Variants in PP2D1 observed in about 807,000 individuals in gnomAD.
PP2D1 encodes the protein protein phosphatase 2C-like domain-containing protein 1.
Under a neutral mutation model 30.2 loss-of-function variants are expected in PP2D1, and 25 were observed. The ratio of observed to expected loss-of-function variants is 0.83; its 90% CI spans 0.60 to 1.16. The LOEUF (loss-of-function observed/expected upper bound fraction) is 1.16, where lower values mean the gene tolerates loss of function less well. Among genes scored for constraint, PP2D1 ranks in the 50% most tolerant of loss-of-function variants. PP2D1 has a pLI of 0.00. For synonymous variants in PP2D1, 260 were observed against 258.9 expected (o/e 1.00, Z -0.04); for missense variants, 760 against 742.4 (o/e 1.02, Z -0.28).
At chr3:20,007,763 C>T (rs1697337397) in intron 1 of PP2D1, 3 of 119,592 alleles carry the variant, frequency 2.5e-5, no homozygotes, top group Admixed American at 1.7e-4. Flanking sequence ...AGCAAAAATC[C>T]GTCTCAAAAA....
intron 1 of PP2D1, among the ~76,000 whole-genome samples, chr3:20,011,730 C>T (rs946776821): frequency 3.9e-5 from 6 of 152,034 alleles, no homozygotes; most frequent in African/African-American, 1.2e-4. Flanking sequence ...ACCCGGGAAG[C>T]GGAGTTTGCA....
chr3:19,998,381 G>A (rs1157418320), intron 2 of PP2D1, among the ~76,000 whole-genome samples: 1 of 151,336 alleles, frequency 6.6e-6, no homozygotes, highest in Non-Finnish European at 1.5e-5. Flanking sequence ...ATAAGTTCTA[G>A]TGTTTGATAG....
intron 1 of PP2D1, among the ~76,000 whole-genome samples, chr3:20,002,338 G>T (rs1463160967): frequency 6.6e-6 from 1 of 152,166 alleles, no homozygotes; most frequent in Admixed American, 6.5e-5. Context: ...CTAAGCAAAT[G>T]CTCAGATAAA....
At position 20,001,944 on chromosome 3, in the gene PP2D1, T is replaced by A; in HGVS notation, c.176A>T (p.Glu59Val). Residue 59 changes from glutamate (E) to valine (V), a missense_variant, in exon 2 of 3, where the codon GAG becomes GTG. Around this residue, in one of 3 missense-constraint regions of PP2D1, gnomAD observed 374 missense variants for 388.8 expected, o/e 0.96. Transcript: ENST00000389050. ...GGAACAGGGTAATGTGGTCCCTTGC[T>A]CATAGACCTGCTCCTCTTCATGGCG... is the stretch of plus-strand genomic sequence containing the variant. ...TKRHEEEQVY[E>V]QGTTLPCSIC... The A allele has an allele frequency of 6.5e-7, 1 of 1,536,376 alleles. No individual in the cohort carries two copies. The highest frequency in any genetic ancestry group is 8.7e-7 in the Non-Finnish European group (1 of 1,146,952).
intron 2 of PP2D1, among the ~76,000 whole-genome samples, chr3:19,995,178 T>A (rs1697166238): frequency 1.3e-5 from 2 of 152,142 alleles, no homozygotes; most frequent in South Asian, 4.1e-4. Flanking sequence ...AACACAAATT[T>A]ACTCCTAACA....
rs1697249936 is a variant in PP2D1, at chr3:20,001,365, T to C, written c.755A>G (p.Tyr252Cys). 1.3e-6 allele frequency: 2 copies of C among 1,536,410 alleles called. No individual in the cohort carries two copies. Among genetic ancestry groups the C allele is most frequent in the African/African-American group, 2.7e-5 (2 of 73,166 alleles). ...TDEQQIINSF[Y>C]TVFREEYAAI... ...TGCGTATTCTTCTCTAAACACAGTG[T>C]AAAAGGAATTGATTATTTGTTGCTC... is the stretch of plus-strand genomic sequence containing the variant. Residue 252 changes from tyrosine (Y) to cysteine (C), a missense_variant, in exon 2 of 3, where the codon TAC (tyrosine) becomes TGC (cysteine). Around this residue, in one of 3 missense-constraint regions of PP2D1, gnomAD observed 374 missense variants for 388.8 expected, o/e 0.96. Transcript: ENST00000389050.
chr3:19,990,147 A>G (rs1697097924), intron 2 of PP2D1, among the ~76,000 whole-genome samples: 1 of 152,092 alleles, frequency 6.6e-6, no homozygotes, highest in African/African-American at 2.4e-5. Context: ...CTACCTGTTA[A>G]AAAGGGAGAT....
chr3:19,999,034 C>G lies in PP2D1; in HGVS notation c.1090+1996G>C, dbSNP rs140401519. ...GTATAGGCCTGGAAATTAAATCCAA[C>G]TGTTTGACCTGGAGATTAGAACCAA... On this transcript the variant is annotated intron_variant, in intron 2 of 2. Transcript: ENST00000389050. Among the ~76,000 whole-genome samples, 3 of 151,056 alleles carry G rather than the reference C, an allele frequency of 2.0e-5. No individual in the cohort carries two copies. The East Asian group carries it at 5.8e-4, about 29-fold the overall frequency.
intron 2 of PP2D1, among the ~76,000 whole-genome samples, chr3:19,991,012 A>G (rs62241322): frequency 0.19 from 28,963 of 152,186 alleles, 3,050 homozygotes; most frequent in Non-Finnish European, 0.24. Context: ...AGACCACTAC[A>G]CAATTTTAAT....
chr3:19,985,421 C>T lies in PP2D1; in HGVS notation c.1852G>A (p.Val618Ile). The change falls in exon 3 of 3, where the codon GTA (valine) becomes ATA (isoleucine). Residue 618 changes from valine (V) to isoleucine (I), a missense_variant. By Grantham distance (29) the Val-to-Ile change is conservative (BLOSUM62 3). Transcript: ENST00000389050. ...TATTCACTTCCATTGAGAAATATTA[C>T]CATAACTGTAATGTTGTCTCTGGAG... is the stretch of plus-strand genomic sequence containing the variant. ...AGSRDNITVM[V>I]IFLNGSEYQL... The T allele has an allele frequency of 3.9e-6, 6 of 1,535,568 alleles. No homozygotes were observed. The highest frequency in any genetic ancestry group is 4.4e-6 in the Non-Finnish European group (5 of 1,146,638).
intron 2 of PP2D1, among the ~76,000 whole-genome samples, chr3:19,988,020 G>A (rs527770263): frequency 2.0e-5 from 3 of 152,072 alleles, no homozygotes; most frequent in East Asian, 1.9e-4. Flanking sequence ...TGTCATCTTC[G>A]TAAGCTGGGG....
At position 19,985,749 on chromosome 3, in the gene PP2D1, CTG is replaced by C. The variant is rs1197066874; in HGVS notation, c.1522_1523del (p.Gln508GlufsTer2). 26 of 1,535,946 alleles carry C rather than the reference CTG, an allele frequency of 1.7e-5. No individual in the cohort carries two copies. Among genetic ancestry groups the C allele is most frequent in the African/African-American group, 6.8e-5 (5 of 73,042 alleles). ...ACTGAAACAATACGTGGATATTACT[CTG>C]TGATTTAGTAAGGTTTGGTTCACTG... ...STSEPNLTKS[Q>X]SNIHVLFQYK... On this transcript the variant is annotated frameshift_variant, in exon 3 of 3. Transcript: ENST00000389050. LOFTEE classifies it low-confidence loss of function (END_TRUNC).
chr3:19,985,696 G>A lies in PP2D1; in HGVS notation c.1577C>T (p.Ser526Leu), dbSNP rs1200908801. The A allele has an allele frequency of 6.5e-7, 1 of 1,535,552 alleles. No individual in the cohort carries two copies. Among genetic ancestry groups the A allele is most frequent in the Non-Finnish European group, 8.7e-7 (1 of 1,146,556 alleles). The change falls in exon 3 of 3, where the codon TCA (serine) becomes TTA (leucine). Residue 526 changes from serine (S) to leucine (L), a missense_variant. Ser to Leu is a moderately radical substitution (Grantham distance 145). Transcript: ENST00000389050. ...QYKSVSEVRV[S>L]TTNSKENLSD... ...TAAATTTTCTTTGGAATTTGTAGTT[G>A]ACACACGTACTTCAGATACAGATTT...
intron 2 of PP2D1, among the ~76,000 whole-genome samples, chr3:19,986,769 T>C (rs1460966214): frequency 2.0e-5 from 3 of 152,186 alleles, no homozygotes; most frequent in Non-Finnish European, 2.9e-5. Flanking sequence ...GTGTGGTGGC[T>C]CAAGCCTTTA....
Position 19,986,800 on chromosome 3 carries a change from C to T in PP2D1, c.1091-618G>A, listed in dbSNP as rs569060090. 1.4e-4 allele frequency among the ~76,000 whole-genome samples: 21 copies of T among 152,056 alleles called. No homozygotes were observed. In the South Asian group the frequency reaches 1.9e-3, roughly 14 times the overall value. On this transcript the variant is annotated intron_variant, in intron 2 of 2. Coordinates refer to ENST00000389050, the MANE Select transcript of PP2D1 (RefSeq NM_001252657.2). ...CTTTAATCCCAGCACTTTGGGAGGC[C>T]GAGGTGGGCGGATCACCTGAGGTCA...
downstream of PP2D1, among the ~76,000 whole-genome samples, chr3:19,982,945 A>G (rs753659348): frequency 1.3e-5 from 2 of 152,290 alleles, no homozygotes; most frequent in South Asian, 2.1e-4. Flanking sequence ...GTTCTAAAAA[A>G]TGTTTGTGGC....
chr3:19,984,267 A>G (rs1412173577), downstream of PP2D1: 1 of 430,736 alleles, frequency 2.3e-6, no homozygotes, highest in Non-Finnish European at 4.5e-6. Context: ...TAGCCATAGT[A>G]TTCAGGCAAA....
At chr3:20,004,370 C>T (rs1440189515) in intron 1 of PP2D1, among the ~76,000 whole-genome samples, 1 of 152,120 alleles carries the variant, frequency 6.6e-6, no homozygotes, top group East Asian at 1.9e-4. Flanking sequence ...AGCGACATTG[C>T]CTAACAATGC....
chr3:20,011,917 C>A, intron 1 of PP2D1, 133 bp downstream of exon 1: 1 of 613,740 alleles, frequency 1.6e-6, no homozygotes, highest in Non-Finnish European at 2.8e-6. Context: ...GGATATATCA[C>A]TCTTCAATGT....
Sources: gnomAD v4.1 joint callset for allele counts (sites outside exome capture counted in the v4.1 genomes callset) on GRCh38, gnomAD v4.1.1 for gene constraint, gnomAD v4.1.1 regional missense constraint, MANE v1.5 for transcripts, NCBI Gene and HGNC (gene_info 2026-07-23, HGNC 2026-07-21) for gene names.